GLIS3: variants seen among roughly 807,000 people sequenced by gnomAD.
GLIS3 encodes zinc finger protein GLIS3.
Under a neutral mutation model 78.6 loss-of-function variants are expected in GLIS3, and 53 were observed. That is an observed-to-expected ratio of 0.67 (90% CI 0.54 to 0.85). The LOEUF (loss-of-function observed/expected upper bound fraction) is 0.85. GLIS3 is among the 40% of genes least tolerant of loss of function. The pLI is 0.00. For synonymous variants in GLIS3, 684 were observed against 509.9 expected (o/e 1.34, Z -4.60); for missense variants, 1,703 against 1,231.1 (o/e 1.38, Z -5.74).
chr9:4,198,697 C>T (rs1159724197), intron 2 of GLIS3, among the ~76,000 whole-genome samples: 1 of 152,034 alleles, frequency 6.6e-6, no homozygotes, highest in African/African-American at 2.4e-5. Flanking sequence ...CACCTAGATA[C>T]AAGAAATCCA....
chr9:4,483,750 G>A, the GLIS3 span, among the ~76,000 whole-genome samples: 5 of 151,070 alleles, frequency 3.3e-5, no homozygotes, highest in Admixed American at 2.0e-4. Flanking sequence ...AAGAGGTGTT[G>A]GTTAAGTGCA....
At chr9:3,846,027 G>A (rs147206894) in intron 9 of GLIS3, among the ~76,000 whole-genome samples, 3 of 152,330 alleles carry the variant, frequency 2.0e-5, no homozygotes, top group Admixed American at 6.5e-5. Flanking sequence ...TAGTGAGCAA[G>A]GGCATGACAG....
At chr9:4,078,879 G>A (rs1225734931) in intron 4 of GLIS3, among the ~76,000 whole-genome samples, 2 of 152,146 alleles carry the variant, frequency 1.3e-5, no homozygotes, top group African/African-American at 4.8e-5. Context: ...AGAAGTCTGT[G>A]CTTTGAAATG....
chr9:4,472,049 A>G, the GLIS3 span, among the ~76,000 whole-genome samples: 1 of 152,242 alleles, frequency 6.6e-6, no homozygotes, highest in Non-Finnish European at 1.5e-5. Flanking sequence ...AATCAAAACC[A>G]CAAGGAGATA....
chr9:4,107,884 A>T (rs758841273), intron 4 of GLIS3, among the ~76,000 whole-genome samples: 4 of 152,156 alleles, frequency 2.6e-5, no homozygotes, highest in Non-Finnish European at 4.4e-5. Context: ...GGAAATTTCA[A>T]ATCTTCACAC....
chr9:4,266,962 T>C (rs1338425863), intron 2 of GLIS3, among the ~76,000 whole-genome samples: 1 of 152,214 alleles, frequency 6.6e-6, no homozygotes, highest in Non-Finnish European at 1.5e-5. Flanking sequence ...CTACATGCTG[T>C]GATATAACCC....
rs552240954 is a variant in GLIS3 at position 4,046,780 on chromosome 9, C to T, written c.1710+70988G>A. On this transcript the variant is annotated intron_variant, in intron 4 of 10. Coordinates refer to ENST00000381971, the MANE Select transcript of GLIS3 (RefSeq NM_001042413.2). ...ATGAAGAATGGCTGAATGAACTAGG[C>T]ATGTTTACTTGGCAAGTATGGGTTG... Among the ~76,000 whole-genome samples the T allele has an allele frequency of 1.4e-3, 207 of 152,230 alleles. 1 individual carries two copies. Among genetic ancestry groups the T allele is most frequent in the African/African-American group, 4.7e-3 (196 of 41,540 alleles).
chr9:4,314,277 T>A (rs1269024083), intron 2 of GLIS3, among the ~76,000 whole-genome samples: 1 of 152,204 alleles, frequency 6.6e-6, no homozygotes, highest in African/African-American at 2.4e-5. Flanking sequence ...AGAATTAGAA[T>A]CAAGAACCCT....
At chr9:3,998,171 A>AG (rs1820873464) in intron 4 of GLIS3, among the ~76,000 whole-genome samples, 2 of 152,140 alleles carry the variant, frequency 1.3e-5, no homozygotes, top group Non-Finnish European at 2.9e-5. Flanking sequence ...AAGATGATCT[A>AG]GACTCATCTT....
At chr9:4,458,843 G>A in the GLIS3 span, among the ~76,000 whole-genome samples, 1 of 152,124 alleles carries the variant, frequency 6.6e-6, no homozygotes, top group Non-Finnish European at 1.5e-5. Flanking sequence ...AAGTATATTT[G>A]ATGAAACAGC....
At chr9:4,408,393 G>T in the GLIS3 span, among the ~76,000 whole-genome samples, 1 of 150,952 alleles carries the variant, frequency 6.6e-6, no homozygotes, top group Non-Finnish European at 1.5e-5. Context: ...GTTACCTGGG[G>T]CGGTAGGGAG....
At chr9:4,052,292 G>A (rs371483737) in intron 4 of GLIS3, among the ~76,000 whole-genome samples, 1 of 152,120 alleles carries the variant, frequency 6.6e-6, no homozygotes, top group African/African-American at 2.4e-5. Context: ...ATAAAGACTC[G>A]TGTCAAACAT....
the GLIS3 span, among the ~76,000 whole-genome samples, chr9:4,422,006 G>T: frequency 6.6e-6 from 1 of 152,144 alleles, no homozygotes; most frequent in African/African-American, 2.4e-5. Flanking sequence ...CAGTAAAAAA[G>T]GTCCTGTGCC....
At chr9:4,201,898 G>A (rs929322203) in intron 2 of GLIS3, among the ~76,000 whole-genome samples, 3 of 152,136 alleles carry the variant, frequency 2.0e-5, no homozygotes, top group African/African-American at 2.4e-5. Context: ...GAGTTTGAGA[G>A]GCCGAGGCAG....
chr9:4,126,027 C>A, intron 2 of GLIS3, 86 bp from the exon 3 acceptor site: 1 of 1,031,356 alleles, frequency 9.7e-7, no homozygotes, highest in Admixed American at 1.9e-5. Context: ...ATATCAGGAC[C>A]CATCTTTAGA....
intron 4 of GLIS3, among the ~76,000 whole-genome samples, chr9:3,949,224 AGACT>A (rs1816506654): frequency 6.6e-6 from 1 of 152,240 alleles, no homozygotes; most frequent in African/African-American, 2.4e-5. Flanking sequence ...AAATTCACAA[AGACT>A]GACTATCCTA....
chr9:4,168,256 C>G (rs1323597332), intron 2 of GLIS3, among the ~76,000 whole-genome samples: 1 of 152,110 alleles, frequency 6.6e-6, no homozygotes, highest in East Asian at 1.9e-4. Context: ...TGTTGTAAAT[C>G]ACTGTCTAAA....
chr9:4,131,013 A>G (rs555726249), intron 2 of GLIS3, among the ~76,000 whole-genome samples: 1 of 152,334 alleles, frequency 6.6e-6, no homozygotes, highest in Non-Finnish European at 1.5e-5. Context: ...GATGTGAAAC[A>G]AGGAGTTAAA....
the GLIS3 span, among the ~76,000 whole-genome samples, chr9:4,479,659 C>T: frequency 6.6e-6 from 1 of 152,140 alleles, no homozygotes; most frequent in South Asian, 2.1e-4. Flanking sequence ...AGTATCTCTC[C>T]ACCTGGCCAC....
Sources: allele counts gnomAD v4.1 joint callset (sites outside exome capture counted in the v4.1 genomes callset), GRCh38; gene constraint gnomAD v4.1.1; transcripts MANE v1.5; gene names NCBI Gene and HGNC (gene_info 2026-07-23, HGNC 2026-07-21).